Variants in CACNA1C observed in about 807,000 individuals in gnomAD.
CACNA1C encodes the protein voltage-dependent L-type calcium channel subunit alpha-1C.
CACNA1C carries 30 observed loss-of-function variants against 229.0 expected under a neutral mutation model. That is an observed-to-expected ratio of 0.13 (90% CI 0.10 to 0.18). CACNA1C has a LOEUF of 0.18. Ranked by LOEUF, CACNA1C falls within the 10% of genes least tolerant of loss-of-function variation. The pLI is 1.00. For missense variants in CACNA1C, 1,658 were observed against 2,845.0 expected, an observed-to-expected ratio of 0.58 and a Z score of 9.49; for synonymous variants, 1,114 against 1,132.5, an observed-to-expected ratio of 0.98 and a Z score of 0.33.
At chr12:2,290,624 C>G (rs776076981) in intron 3 of CACNA1C, among the ~76,000 whole-genome samples, 1 of 152,130 alleles carries the variant, frequency 6.6e-6, no homozygotes, top group Non-Finnish European at 1.5e-5. Context: ...TTGTACTGTC[C>G]ATGGACAGTG....
At chr12:2,370,114 G>C (rs1362258693) in intron 3 of CACNA1C, among the ~76,000 whole-genome samples, 1 of 152,124 alleles carries the variant, frequency 6.6e-6, no homozygotes, top group Non-Finnish European at 1.5e-5. Context: ...AATACATTTT[G>C]ATTTTTAAAA....
chr12:2,549,128 G>T (rs1354214800), intron 9 of CACNA1C, among the ~76,000 whole-genome samples: 1 of 152,196 alleles, frequency 6.6e-6, no homozygotes, highest in Non-Finnish European at 1.5e-5. Flanking sequence ...AACTCCCATT[G>T]TTCTGGAAAT....
intron 14 of CACNA1C, among the ~76,000 whole-genome samples, chr12:2,582,594 C>T (rs1156516067): frequency 6.6e-6 from 1 of 152,152 alleles, no homozygotes; most frequent in African/African-American, 2.4e-5. Context: ...CCAAAAAGCC[C>T]TTTTAGTCAC....
chr12:2,177,576 C>A (rs1200466157), intron 3 of CACNA1C, among the ~76,000 whole-genome samples: 4 of 56,792 alleles, frequency 7.0e-5, no homozygotes, highest in Non-Finnish European at 9.7e-5. Flanking sequence ...TCCCTCCCTC[C>A]CTCCCTCCCT....
chr12:2,570,004 A>C (rs1371880430), intron 13 of CACNA1C, among the ~76,000 whole-genome samples: 1 of 152,254 alleles, frequency 6.6e-6, no homozygotes, highest in Non-Finnish European at 1.5e-5. Context: ...AGGGTCTCAC[A>C]TGAACGTAAA....
intron 3 of CACNA1C, among the ~76,000 whole-genome samples, chr12:2,254,623 T>C (rs11612720): frequency 0.044 from 6,725 of 152,278 alleles, 178 homozygotes; most frequent in Middle Eastern, 0.068. Context: ...TGCTCACCCC[T>C]GTCCCCTTTG....
At chr12:1,997,854 T>G (rs538246177) in intron 1 of CACNA1C, 55 of 1,120,250 alleles carry the variant, frequency 4.9e-5, no homozygotes, top group Non-Finnish European at 6.7e-5. Context: ...TAAAACTGCA[T>G]GCACTTGAAG....
In CACNA1C at chr12:2,215,606, G is replaced by A. The variant is rs2059777440; in HGVS notation, c.477+95176G>A. ...TTGCACATGGACATAAAGGGGCACT[G>A]CAGCCAGTCCCCTGTGGAGGATCAG... On this transcript the variant is annotated intron_variant, in intron 3 of 46. Coordinates refer to ENST00000399655, the MANE Select transcript of CACNA1C (RefSeq NM_000719.7). The surrounding 1 kb of genome is among the most constrained non-coding windows in gnomAD (Gnocchi z 5.0). 6.6e-6 allele frequency among the ~76,000 whole-genome samples: 1 copy of A among 152,264 alleles called. No homozygotes were observed. The highest frequency in any genetic ancestry group is 1.5e-5 in the Non-Finnish European group (1 of 68,052).
chr12:2,203,464 G>C (rs898410822), intron 3 of CACNA1C, among the ~76,000 whole-genome samples: 1 of 152,096 alleles, frequency 6.6e-6, no homozygotes, highest in Non-Finnish European at 1.5e-5. Flanking sequence ...ACCCACCCAG[G>C]TATTGCAGCA....
At chr12:2,166,100 A>G (rs2154255608) in intron 3 of CACNA1C, among the ~76,000 whole-genome samples, 1 of 152,342 alleles carries the variant, frequency 6.6e-6, no homozygotes, top group African/African-American at 2.4e-5. Context: ...GCGATTTCTC[A>G]AAGATTGATT....
chr12:2,050,759 A>G (rs974177362), upstream of CACNA1C, among the ~76,000 whole-genome samples: 2 of 152,200 alleles, frequency 1.3e-5, no homozygotes, highest in Non-Finnish European at 2.9e-5. Context: ...TACTTCTCCC[A>G]GGGGCACTTG....
intron 3 of CACNA1C, among the ~76,000 whole-genome samples, chr12:2,359,322 G>T (rs1044836695): frequency 6.6e-6 from 1 of 152,188 alleles, no homozygotes; most frequent in Non-Finnish European, 1.5e-5. Flanking sequence ...GTGAGCCAGT[G>T]GGTGGACCTT....
chr12:2,645,032 C>T (rs920355837), intron 30 of CACNA1C, among the ~76,000 whole-genome samples: 7 of 152,256 alleles, frequency 4.6e-5, no homozygotes, highest in South Asian at 2.1e-4. Flanking sequence ...ATATCAATTA[C>T]GTGAACAAAT....
At chr12:2,473,991 A>G (rs2099606843) in intron 5 of CACNA1C, among the ~76,000 whole-genome samples, 1 of 151,990 alleles carries the variant, frequency 6.6e-6, no homozygotes. Context: ...CTCCATCTCA[A>G]GAACATCCAG....
chr12:2,191,998 A>C (rs528898777), intron 3 of CACNA1C, among the ~76,000 whole-genome samples: 5 of 152,054 alleles, frequency 3.3e-5, no homozygotes, highest in Non-Finnish European at 7.4e-5. Context: ...GCACACATGT[A>C]TTCACACACA....
intron 3 of CACNA1C, among the ~76,000 whole-genome samples, chr12:2,329,611 A>AT (rs2096472996): frequency 6.6e-6 from 1 of 152,150 alleles, no homozygotes; most frequent in Admixed American, 6.5e-5. Context: ...AATAATAATA[A>AT]TTCTTGATTT....
chr12:2,532,639 T>C (rs1350158949), intron 9 of CACNA1C, among the ~76,000 whole-genome samples: 1 of 152,094 alleles, frequency 6.6e-6, no homozygotes, highest in African/African-American at 2.4e-5. Context: ...ACACTCCCAC[T>C]CCTCACCCCA....
rs995839112 is a variant in CACNA1C at position 2,319,679 on chromosome 12, T to C, written c.478-129297T>C. On this transcript the variant is annotated intron_variant, in intron 3 of 46. Transcript: ENST00000399655. The surrounding 1 kb of genome is among the most constrained non-coding windows in gnomAD (Gnocchi z 4.0). ...CTTTTACTCTTTGGCTTGCTCTTGC[T>C]GTGTATTAAATTTGATCTGGGGTGT... Among the ~76,000 whole-genome samples the C allele has an allele frequency of 3.9e-5, 6 of 152,170 alleles. No homozygotes were observed. The highest frequency in any genetic ancestry group is 8.8e-5 in the Non-Finnish European group (6 of 68,028).
At position 2,666,810 on chromosome 12, in the gene CACNA1C, G is replaced by A. The variant is rs1569145549; in HGVS notation, c.4623+28G>A. On this transcript the variant is annotated intron_variant, in intron 37 of 46. Transcript: ENST00000399655. The surrounding 1 kb of genome is among the most constrained non-coding windows in gnomAD (Gnocchi z 5.3). Reference sequence around the variant, plus strand: ...AAGAGATAACGGGGTTCATGGGAGGGAGAGGGAAAATAGGGGAAGTGAAGT... The same window carrying A: ...AAGAGATAACGGGGTTCATGGGAGGAAGAGGGAAAATAGGGGAAGTGAAGT... The A allele has an allele frequency of 7.1e-7, 1 of 1,411,438 alleles. No individual in the cohort carries two copies. The highest frequency in any genetic ancestry group is 9.9e-7 in the Non-Finnish European group (1 of 1,012,692). The allele number at this position is 1,411,438 out of a possible 1,614,324, so 87.4% of individuals were successfully genotyped here.
Sources: allele counts gnomAD v4.1 joint callset (sites outside exome capture counted in the v4.1 genomes callset), GRCh38; gene constraint gnomAD v4.1.1; non-coding constraint Gnocchi (gnomAD v3.1); transcripts MANE v1.5; gene names NCBI Gene and HGNC (gene_info 2026-07-23, HGNC 2026-07-21).